TOM1L1: variants seen among roughly 807,000 people sequenced by gnomAD.
TOM1L1 encodes target of myb1 like 1 membrane trafficking protein, also known as TOM1-like protein 1.
TOM1L1 carries 64 observed loss-of-function variants against 63.4 expected under a neutral mutation model. The observed-to-expected ratio is 1.01, with a 90% CI of 0.83 to 1.24. TOM1L1 has a LOEUF of 1.24. TOM1L1 is among the 50% of genes most tolerant of loss of function. TOM1L1 has a pLI of 0.00. For synonymous variants in TOM1L1, 166 were observed against 194.4 expected (o/e 0.85, Z 1.22); for missense variants, 536 against 567.0 (o/e 0.95, Z 0.55).
At position 54,936,477 on chromosome 17, in the gene TOM1L1, A is replaced by G. The variant is rs2143892259; in HGVS notation, c.855-172A>G. The G allele has an allele frequency of 1.3e-5, 7 of 546,304 alleles. No individual in the cohort carries two copies. The Middle Eastern group carries it at 1.5e-3, about 115-fold the overall frequency. 33.8% of individuals were successfully genotyped at this position (546,304 alleles called of 1,614,324 possible). A position where few individuals can be genotyped will look rare whatever the true frequency, so the allele number is the denominator to read the frequency against. The stretch of plus-strand genomic sequence containing the variant: ...TTTTCTCACAGTTTTCTCTGAGGGT[A>G]TGAATACTCTGTAAGCTGGAAAAAG... On this transcript the variant is annotated intron_variant, in intron 8 of 15. Transcript: ENST00000575882.
At chr17:54,933,065 C>A (rs2048889840) in intron 8 of TOM1L1, among the ~76,000 whole-genome samples, 1 of 152,224 alleles carries the variant, frequency 6.6e-6, no homozygotes, top group Non-Finnish European at 1.5e-5. Flanking sequence ...TAGAAAGATA[C>A]TAGTCTCCTA....
At chr17:54,926,859 A>C (rs1302974937) in intron 7 of TOM1L1, among the ~76,000 whole-genome samples, 1 of 152,216 alleles carries the variant, frequency 6.6e-6, no homozygotes, top group African/African-American at 2.4e-5. Context: ...CTTCTTTCTC[A>C]TGAGCTTATG....
chr17:54,906,015 TA>T (rs1006786061), intron 3 of TOM1L1, among the ~76,000 whole-genome samples: 1 of 151,538 alleles, frequency 6.6e-6, no homozygotes, highest in African/African-American at 2.4e-5. Context: ...ACAAAATGTT[TA>T]AAAATTAGCC....
intron 11 of TOM1L1, 36 bp downstream of exon 11, chr17:54,939,056 T>C: frequency 1.5e-6 from 2 of 1,347,770 alleles, no homozygotes; most frequent in Admixed American, 3.7e-5. Context: ...ACTAATATCA[T>C]GACATTTAGA....
At chr17:54,953,456 C>T (rs2049337078) in intron 14 of TOM1L1, 1 of 152,314 alleles carries the variant, frequency 6.6e-6, no homozygotes, top group South Asian at 2.1e-4. Flanking sequence ...TTTGAGGAGC[C>T]AGGCAGGGAG....
Position 54,903,778 on chromosome 17 carries a change from C to T in TOM1L1, c.129C>T (p.Asn43=). 6.2e-7 allele frequency: 1 copy of T among 1,614,150 alleles called. No individual in the cohort carries two copies. Among genetic ancestry groups the T allele is most frequent in the Non-Finnish European group, 8.5e-7 (1 of 1,179,974 alleles). Residue 43 remains asparagine (N), a synonymous_variant, in exon 2 of 16, where the codon AAC becomes AAT. Coordinates refer to ENST00000575882, the MANE Select transcript of TOM1L1 (RefSeq NM_005486.3). The part of the protein sequence containing the change: ...GQFMHICDII[N]TTQDGPKDAV... ...TCATGCACATCTGTGACATAATTAACACTACCCAGGATGGGTGAGTACAGC... is the reference window on the plus strand; with the variant it reads ...TCATGCACATCTGTGACATAATTAATACTACCCAGGATGGGTGAGTACAGC...
chr17:54,936,816 C>G, intron 9 of TOM1L1, 107 bp downstream of exon 9: 1 of 974,974 alleles, frequency 1.0e-6, no homozygotes, highest in Non-Finnish European at 1.5e-6. Context: ...GATATGCATT[C>G]ATAATTTGGA....
intron 3 of TOM1L1, among the ~76,000 whole-genome samples, chr17:54,907,629 C>T (rs2048433490): frequency 2.0e-5 from 3 of 152,096 alleles, no homozygotes; most frequent in Admixed American, 2.0e-4. Context: ...TCCCGTCTCT[C>T]CTAGTATCCG....
intron 7 of TOM1L1, among the ~76,000 whole-genome samples, chr17:54,924,873 G>A (rs2048742794): frequency 6.6e-6 from 1 of 152,152 alleles, no homozygotes; most frequent in Non-Finnish European, 1.5e-5. Context: ...TTGATGGCTG[G>A]TTGTCCAAAT....
intron 7 of TOM1L1, among the ~76,000 whole-genome samples, chr17:54,920,241 A>G (rs1437654929): frequency 6.6e-6 from 1 of 152,132 alleles, no homozygotes; most frequent in African/African-American, 2.4e-5. Flanking sequence ...CTTGGGGGTC[A>G]GTGAGGGCCC....
At chr17:54,932,778 G>A (rs1188779251) in intron 8 of TOM1L1, among the ~76,000 whole-genome samples, 2 of 152,058 alleles carry the variant, frequency 1.3e-5, no homozygotes, top group South Asian at 4.1e-4. Flanking sequence ...TGTTTTCTGT[G>A]GAACAAATTT....
Position 54,960,595 on chromosome 17 carries a change from A to G in TOM1L1, c.1400A>G (p.Gln467Arg). The change falls in exon 15 of 16, where the codon CAG becomes CGG. Residue 467 changes from glutamine (Q) to arginine (R), a missense_variant. By Grantham distance (43) the Gln-to-Arg change is conservative. Transcript: ENST00000575882. ...ATTTATGAAGAAATTGATGCTCACCAGCACAAAGGAGCTCAAAATGATGGT... is the reference window on the plus strand; with the variant it reads ...ATTTATGAAGAAATTGATGCTCACCGGCACAAAGGAGCTCAAAATGATGGT... ...EAIYEEIDAH[Q>R]HKGAQNDGD 6.2e-7 allele frequency: 1 copy of G among 1,613,228 alleles called. No homozygotes were observed. The highest frequency in any genetic ancestry group is 8.5e-7 in the Non-Finnish European group (1 of 1,179,624).
intron 9 of TOM1L1, 130 bp downstream of exon 9, chr17:54,936,839 G>A: frequency 2.6e-6 from 2 of 779,078 alleles, no homozygotes; most frequent in South Asian, 3.7e-5. Context: ...GGTTTTAATG[G>A]TATAGATTAC....
intron 7 of TOM1L1, among the ~76,000 whole-genome samples, chr17:54,918,016 T>C (rs186224426): frequency 2.1e-4 from 32 of 152,342 alleles, no homozygotes; most frequent in Admixed American, 2.0e-3. Flanking sequence ...GCAGGGGTTG[T>C]CTTTCCTGGT....
intron 7 of TOM1L1, among the ~76,000 whole-genome samples, chr17:54,928,735 G>A (rs898522198): frequency 1.1e-4 from 17 of 152,172 alleles, no homozygotes; most frequent in African/African-American, 3.9e-4. Context: ...ATGGCCCTGT[G>A]GTTGGCAAAT....
intron 14 of TOM1L1, chr17:54,952,889 C>G (rs974872469): frequency 2.0e-5 from 3 of 152,136 alleles, no homozygotes; most frequent in African/African-American, 7.2e-5. Flanking sequence ...TCAGAAGGTC[C>G]CTTCCCAAAA....
chr17:54,949,485 C>T (rs900772945), intron 12 of TOM1L1, 33 bp from the exon 13 acceptor site: 2 of 1,519,170 alleles, frequency 1.3e-6, no homozygotes, highest in Middle Eastern at 1.7e-4. Flanking sequence ...TAATGTAGAA[C>T]GTTTATATGA....
At chr17:54,902,985 C>T (rs1181945539) in intron 1 of TOM1L1, among the ~76,000 whole-genome samples, 1 of 152,122 alleles carries the variant, frequency 6.6e-6, no homozygotes, top group Non-Finnish European at 1.5e-5. Flanking sequence ...AAAGTGTATG[C>T]AATGGAAGTT....
At chr17:54,961,116 T>TA (rs2077111971) in intron 15 of TOM1L1, 119 bp from the exon 16 acceptor site, 1 of 747,870 alleles carries the variant, frequency 1.3e-6, no homozygotes, top group South Asian at 1.6e-5. Context: ...AGCACATTCT[T>TA]ACCTTTCTTC....
Sources: allele counts gnomAD v4.1 joint callset (sites outside exome capture counted in the v4.1 genomes callset), GRCh38; gene constraint gnomAD v4.1.1; transcripts MANE v1.5; gene names NCBI Gene and HGNC (gene_info 2026-07-23, HGNC 2026-07-21).